CSRNP3: variants seen among roughly 807,000 people sequenced by gnomAD.
The protein encoded by CSRNP3 is cysteine/serine-rich nuclear protein 3.
In CSRNP3, 12 loss-of-function variants were observed where a neutral mutation model predicts 48.0. That is an observed-to-expected ratio of 0.25 (90% CI 0.16 to 0.41). The LOEUF is 0.41. Among genes scored for constraint, CSRNP3 ranks in the 10% least tolerant of loss-of-function variants. The pLI is 1.00. For missense variants in CSRNP3, 580 were observed against 724.4 expected (o/e 0.80, Z 2.29); for synonymous variants, 263 against 269.7 (o/e 0.98, Z 0.24).
chr2:165,565,844 A>G lies in CSRNP3; in HGVS notation c.-23-29199A>G, dbSNP rs1162469186. Among the ~76,000 whole-genome samples, 3 of 152,068 alleles carry G rather than the reference A, an allele frequency of 2.0e-5. No individual in the cohort carries two copies. In the East Asian group the frequency reaches 5.8e-4, roughly 29 times the overall value. ...ATTTTAATCTGCACAGAATACTTTT[A>G]TATAGTTTTCTTACATGAGCATTAC... On this transcript the variant is annotated intron_variant, in intron 3 of 6. Transcript: ENST00000651982.
At chr2:165,492,514 A>G (rs1173526966) in intron 1 of CSRNP3, among the ~76,000 whole-genome samples, 3 of 150,974 alleles carry the variant, frequency 2.0e-5, no homozygotes, top group African/African-American at 7.3e-5. Flanking sequence ...CCATGTTATT[A>G]CCTCTTGGTG....
At chr2:165,594,974 C>T (rs888434382) in intron 3 of CSRNP3, 69 bp from the exon 4 acceptor site, 3 of 1,436,580 alleles carry the variant, frequency 2.1e-6, no homozygotes, top group Non-Finnish European at 2.9e-6. Flanking sequence ...AAAAATGACT[C>T]TGGAGACCTT....
intron 2 of CSRNP3, among the ~76,000 whole-genome samples, chr2:165,512,828 G>A (rs1684524983): frequency 6.6e-6 from 1 of 152,222 alleles, no homozygotes; most frequent in South Asian, 2.1e-4. Context: ...GGGTCAGCCG[G>A]GCATGGCGGC....
At chr2:165,481,794 G>A (rs1684047127) in intron 1 of CSRNP3, among the ~76,000 whole-genome samples, 2 of 152,250 alleles carry the variant, frequency 1.3e-5, no homozygotes, top group African/African-American at 2.4e-5. Context: ...AAATAGCTAC[G>A]TGGAGGCCAT....
At chr2:165,672,379 C>G (rs1687345367) in intron 5 of CSRNP3, among the ~76,000 whole-genome samples, 1 of 152,142 alleles carries the variant, frequency 6.6e-6, no homozygotes, top group South Asian at 2.1e-4. Context: ...ACCTCACAAT[C>G]ATGGCAGAAG....
chr2:165,610,050 G>A (rs1310031518), intron 4 of CSRNP3, among the ~76,000 whole-genome samples: 2 of 152,180 alleles, frequency 1.3e-5, no homozygotes, highest in African/African-American at 2.4e-5. Flanking sequence ...CATTCAATGG[G>A]AGGGACTGCA....
chr2:165,519,663 A>C (rs1684626191), intron 3 of CSRNP3, among the ~76,000 whole-genome samples: 1 of 152,178 alleles, frequency 6.6e-6, no homozygotes, highest in Non-Finnish European at 1.5e-5. Flanking sequence ...AATATTTGTC[A>C]AGTGCCTACT....
At chr2:165,511,881 G>T (rs1197494953) in intron 2 of CSRNP3, among the ~76,000 whole-genome samples, 1 of 152,142 alleles carries the variant, frequency 6.6e-6, no homozygotes, top group African/African-American at 2.4e-5. Flanking sequence ...CTTCCAGGGG[G>T]CAGGTTCATA....
intron 3 of CSRNP3, among the ~76,000 whole-genome samples, chr2:165,575,129 C>A (rs1183801027): frequency 6.6e-6 from 1 of 152,174 alleles, no homozygotes; most frequent in South Asian, 2.1e-4. Context: ...TAAAGGGATC[C>A]TTATAAATGT....
intron 1 of CSRNP3, among the ~76,000 whole-genome samples, chr2:165,471,160 T>G (rs1032226996): frequency 2.6e-5 from 4 of 152,042 alleles, no homozygotes; most frequent in Non-Finnish European, 4.4e-5. Context: ...CTAAAAGTAC[T>G]AAATATAGTT....
chr2:165,501,783 A>G (rs908711853), intron 2 of CSRNP3, among the ~76,000 whole-genome samples: 13 of 152,120 alleles, frequency 8.5e-5, no homozygotes, highest in Admixed American at 8.5e-4. Flanking sequence ...AATTATTAAG[A>G]TTGTTAAATA....
chr2:165,526,164 T>C (rs545226038), intron 3 of CSRNP3, among the ~76,000 whole-genome samples: 1 of 152,202 alleles, frequency 6.6e-6, no homozygotes, highest in Non-Finnish European at 1.5e-5. Context: ...TGAAATCATA[T>C]AGTGTGAATC....
At chr2:165,622,252 A>G (rs1686352959) in intron 4 of CSRNP3, among the ~76,000 whole-genome samples, 1 of 152,104 alleles carries the variant, frequency 6.6e-6, no homozygotes, top group Non-Finnish European at 1.5e-5. Flanking sequence ...TAGGCAGCCA[A>G]TTCTCTGTAA....
intron 3 of CSRNP3, among the ~76,000 whole-genome samples, chr2:165,552,791 TTC>T (rs1192839750): frequency 3.9e-5 from 6 of 151,988 alleles, no homozygotes; most frequent in African/African-American, 1.5e-4. Context: ...GCATCCTGGG[TTC>T]TAGCGATCCT....
At chr2:165,530,727 G>C (rs756451007) in intron 3 of CSRNP3, among the ~76,000 whole-genome samples, 1 of 151,836 alleles carries the variant, frequency 6.6e-6, no homozygotes, top group Non-Finnish European at 1.5e-5. Flanking sequence ...TTCCAATTTA[G>C]TTGTTTCTTT....
intron 4 of CSRNP3, among the ~76,000 whole-genome samples, chr2:165,646,048 A>G (rs1686807271): frequency 6.6e-6 from 1 of 152,082 alleles, no homozygotes; most frequent in African/African-American, 2.4e-5. Flanking sequence ...CCCAGCCTGG[A>G]TCTTTATTTT....
At position 165,564,190 on chromosome 2, in the gene CSRNP3, G is replaced by T. The variant is rs79833216; in HGVS notation, c.-23-30853G>T. 8.8e-3 allele frequency among the ~76,000 whole-genome samples: 1,336 copies of T among 152,192 alleles called. 14 individuals are homozygous for T. Among genetic ancestry groups the T allele is most frequent in the Non-Finnish European group, 0.012 (798 of 67,998 alleles). ...CAATCAAAGCAATCAAGTCTTTAGG[G>T]ATCCTAGTATGGTATCAAGTTTCAA... On this transcript the variant is annotated intron_variant, in intron 3 of 6. Coordinates refer to ENST00000651982, the MANE Select transcript of CSRNP3 (RefSeq NM_001172173.2).
At chr2:165,515,349 A>G (rs1304337009) in intron 2 of CSRNP3, among the ~76,000 whole-genome samples, 1 of 150,088 alleles carries the variant, frequency 6.7e-6, no homozygotes, top group Non-Finnish European at 1.5e-5. Context: ...ATATATATAT[A>G]TATATATCTG....
chr2:165,587,065 C>T (rs1001428460), intron 3 of CSRNP3, among the ~76,000 whole-genome samples: 1 of 152,052 alleles, frequency 6.6e-6, no homozygotes, highest in African/African-American at 2.4e-5. Flanking sequence ...TTCTTGCAGA[C>T]AGAGATGGAA....
Sources: allele counts gnomAD v4.1 joint callset (sites outside exome capture counted in the v4.1 genomes callset), GRCh38; gene constraint gnomAD v4.1.1; transcripts MANE v1.5; gene names NCBI Gene and HGNC (gene_info 2026-07-23, HGNC 2026-07-21).